The following ZNF695 variants were observed in gnomAD, a reference collection of about 807,000 sequenced individuals.
ZNF695 encodes the protein zinc finger protein SBZF3.
A neutral mutation model predicts 11.2 loss-of-function variants in ZNF695; 11 were observed. The ratio of observed to expected loss-of-function variants is 0.98; its 90% CI spans 0.62 to 1.62. The LOEUF is 1.62. Among genes scored for constraint, ZNF695 ranks in the 40% most tolerant of loss-of-function variants. ZNF695 has a pLI of 0.00. For synonymous variants in ZNF695, 190 were observed against 201.4 expected, an observed-to-expected ratio of 0.94 and a Z score of 0.48; for missense variants, 559 against 590.5, an observed-to-expected ratio of 0.95 and a Z score of 0.55.
rs1331687177 is a variant in ZNF695 at position 246,987,574 on chromosome 1, T to C, written c.941A>G (p.His314Arg). ...SFKLFPYLTQHKRIHSREKPY... is the reference protein window; with the variant it reads ...SFKLFPYLTQRKRIHSREKPY... ...TTTCTCTCTACTATGAATTCTCTTG[T>C]GTTGAGTAAGGTATGGGAACAACTT... The change falls in exon 4 of 4, where the codon CAC (histidine) becomes CGC (arginine). Residue 314 changes from histidine to arginine, a missense_variant. By Grantham distance (29) the His-to-Arg change is conservative. Transcript: ENST00000339986. 6.3e-7 allele frequency: 1 copy of C among 1,598,414 alleles called. No homozygotes were observed. Among genetic ancestry groups the C allele is most frequent in the African/African-American group, 1.3e-5 (1 of 74,110 alleles).
At chr1:247,007,860 A>G in intron 1 of ZNF695, 46 bp downstream of exon 1, 1 of 1,517,482 alleles carries the variant, frequency 6.6e-7, no homozygotes, top group South Asian at 1.3e-5. Context: ...AACCGATTCC[A>G]ACCACCCCCT....
intron 3 of ZNF695, among the ~76,000 whole-genome samples, chr1:246,995,383 C>A (rs1220383780): frequency 6.6e-6 from 1 of 152,168 alleles, no homozygotes; most frequent in South Asian, 2.1e-4. Context: ...AAGTGACCTA[C>A]AGATTCAGTG....
At chr1:246,962,398 C>T (rs1668184206) in intron 5 of ZNF695, among the ~76,000 whole-genome samples, 1 of 152,226 alleles carries the variant, frequency 6.6e-6, no homozygotes, top group South Asian at 2.1e-4. Context: ...GTCTGGTGGT[C>T]GTCCTAGCCT....
chr1:247,000,550 C>T (rs1298062160), intron 1 of ZNF695, among the ~76,000 whole-genome samples: 1 of 152,036 alleles, frequency 6.6e-6, no homozygotes, highest in African/African-American at 2.4e-5. Flanking sequence ...TATACACACA[C>T]TCTAATGTAT....
intron 3 of ZNF695, among the ~76,000 whole-genome samples, chr1:246,994,857 A>C (rs1205090975): frequency 6.6e-6 from 1 of 152,000 alleles, no homozygotes; most frequent in South Asian, 2.1e-4. Flanking sequence ...ACAAAAACAA[A>C]AAACAAACAA....
In ZNF695 at chr1:246,987,390, A is replaced by G. The variant is rs1668883679; in HGVS notation, c.1125T>C (p.Thr375=). 1.2e-6 allele frequency: 2 copies of G among 1,613,112 alleles called. No homozygotes were observed. The highest frequency in any genetic ancestry group is 1.7e-5 in the Admixed American group (1 of 59,858). The change falls in exon 4 of 4, where the codon ACT becomes ACC. Residue 375 remains threonine, a synonymous_variant. Transcript: ENST00000339986. ...SHLTEHRRIH[T]GEKPYKCEEC... Reference sequence around the variant, plus strand: ...CCTCACATTTGTATGGTTTCTCACCAGTATGAATTCTCCTATGTTCAGTCA... The same window carrying G: ...CCTCACATTTGTATGGTTTCTCACCGGTATGAATTCTCCTATGTTCAGTCA...
chr1:246,976,415 C>T (rs531019153), intron 4 of ZNF695, among the ~76,000 whole-genome samples: 299 of 152,278 alleles, frequency 2.0e-3, no homozygotes, highest in African/African-American at 6.8e-3. Context: ...CCTTTTGAGG[C>T]ATTCAAAGAC....
At position 246,963,842 on chromosome 1, in the gene ZNF695, G is replaced by T. The variant is rs184154608; in HGVS notation, c.488+3853C>A. Reference sequence around the variant, plus strand: ...TTAGAGTCAGATTGCACAGCTTAAGGACTTAGTCCCACAAGACTGCCCCTA... The same window carrying T: ...TTAGAGTCAGATTGCACAGCTTAAGTACTTAGTCCCACAAGACTGCCCCTA... On this transcript the variant is annotated intron_variant, in intron 5 of 5. Coordinates refer to the ZNF695 transcript ENST00000487338. Among the ~76,000 whole-genome samples the T allele has an allele frequency of 3.2e-4, 48 of 152,190 alleles. 2 individuals are homozygous for T. Among genetic ancestry groups the T allele is most frequent in the Admixed American group, 3.1e-3 (47 of 15,290 alleles).
chr1:246,997,120 TGA>T (rs1213631195), intron 3 of ZNF695, among the ~76,000 whole-genome samples: 1 of 34,470 alleles, frequency 2.9e-5, no homozygotes, highest in Non-Finnish European at 5.6e-5. Context: ...CCCACCATTT[TGA>T]GAGGCCGAGG....
At chr1:246,978,038 C>T (rs926564738) in intron 4 of ZNF695, among the ~76,000 whole-genome samples, 3 of 152,174 alleles carry the variant, frequency 2.0e-5, no homozygotes, top group African/African-American at 7.2e-5. Context: ...TCAGGCACTT[C>T]TCTCTAAATC....
rs182045807 is a variant in ZNF695, at chr1:246,988,044, T to C, written c.471A>G (p.Gln157=). 46 of 1,602,270 alleles carry C rather than the reference T, an allele frequency of 2.9e-5. No individual in the cohort carries two copies. The African/African-American group carries it at 4.4e-4, about 15-fold the overall frequency. Residue 157 remains glutamine (Q), a synonymous_variant, in exon 4 of 4, where the codon CAA becomes CAG. Transcript: ENST00000339986. ...TAAAACCTTTCACACATTTATTGCA[T>C]TGAAAGTTTTTGCTATGAGTAGTTG... The part of the protein sequence containing the change: ...CSATTHSKNF[Q]CNKCVKGFSK...
intron 4 of ZNF695, among the ~76,000 whole-genome samples, chr1:246,972,607 A>G (rs2642964): frequency 0.63 from 96,152 of 151,874 alleles, 31,949 homozygotes; most frequent in African/African-American, 0.85. Context: ...TGCAACCTCC[A>G]CCTCCCGGGT....
chr1:247,005,109 A>G (rs974144942), intron 1 of ZNF695, among the ~76,000 whole-genome samples: 2 of 152,210 alleles, frequency 1.3e-5, no homozygotes, highest in African/African-American at 2.4e-5. Context: ...TGGAACCACA[A>G]AAGACTAAGA....
At chr1:246,984,152 C>CAAAAAAAA (rs11321674), downstream of ZNF695, among the ~76,000 whole-genome samples, 6 of 91,590 alleles carry the variant, frequency 6.6e-5, no homozygotes, top group Admixed American at 1.6e-4. Context: ...ACCATGTCTC[C>CAAAAAAAA]AAAAAAAAAA....
chr1:246,986,561 T>C lies in ZNF695; in HGVS notation c.*406A>G. 1 of 993,900 alleles carries C rather than the reference T, an allele frequency of 1.0e-6. No homozygotes were observed. Among genetic ancestry groups the C allele is most frequent in the Non-Finnish European group, 1.2e-6 (1 of 835,742 alleles). 61.6% of individuals were successfully genotyped at this position (993,900 alleles called of 1,614,324 possible). A position where few individuals can be genotyped will look rare whatever the true frequency, so the allele number is the denominator to read the frequency against. ...ATGTAATTTTTGATTAGACATTTTT[T>C]CACATTTACTGCATCTGTAAAACAG... On this transcript the variant is annotated 3_prime_UTR_variant, in exon 4 of 4. Transcript: ENST00000339986.
intron 4 of ZNF695, among the ~76,000 whole-genome samples, chr1:246,976,267 C>T (rs940730814): frequency 2.6e-5 from 4 of 152,156 alleles, no homozygotes; most frequent in Admixed American, 1.3e-4. Flanking sequence ...CACAAGGTTA[C>T]AGAAGCACCA....
intron 5 of ZNF695, among the ~76,000 whole-genome samples, chr1:246,952,739 T>C (rs1033030023): frequency 2.6e-5 from 4 of 151,924 alleles, no homozygotes; most frequent in African/African-American, 9.7e-5. Flanking sequence ...CCATATTTAA[T>C]TCATCTTTTA....
intron 4 of ZNF695, among the ~76,000 whole-genome samples, chr1:246,971,986 G>A (rs753705038): frequency 5.3e-5 from 8 of 152,096 alleles, no homozygotes; most frequent in South Asian, 2.1e-4. Context: ...TCCATCCACC[G>A]GGGCCTCCCA....
At chr1:246,966,705 A>G (rs1356375614) in intron 5 of ZNF695, 7 of 450,496 alleles carry the variant, frequency 1.6e-5, no homozygotes, top group Admixed American at 1.4e-4. Flanking sequence ...AGATCGCTTG[A>G]CCCTGGGAGT....
Sources: allele counts gnomAD v4.1 joint callset (sites outside exome capture counted in the v4.1 genomes callset), GRCh38; gene constraint gnomAD v4.1.1; transcripts MANE v1.5; gene names NCBI Gene and HGNC (gene_info 2026-07-23, HGNC 2026-07-21).